GPR149: variants seen among roughly 807,000 people sequenced by gnomAD.
GPR149 encodes the protein probable G protein-coupled receptor 149.
Under a neutral mutation model 50.2 loss-of-function variants are expected in GPR149, and 50 were observed. The ratio of observed to expected loss-of-function variants is 1.00; its 90% CI spans 0.79 to 1.26. The LOEUF (loss-of-function observed/expected upper bound fraction) is 1.26. GPR149 is among the 50% of genes most tolerant of loss of function. The pLI is 0.00. For missense variants in GPR149, 983 were observed against 895.4 expected (o/e 1.10, Z -1.25); for synonymous variants, 405 against 358.2 (o/e 1.13, Z -1.48).
At chr3:154,387,554 C>G (rs1334335098) in intron 3 of GPR149, among the ~76,000 whole-genome samples, 2 of 152,128 alleles carry the variant, frequency 1.3e-5, no homozygotes, top group African/African-American at 4.8e-5. Flanking sequence ...TAGGTCAGAT[C>G]CCATGTCTCC....
rs187242792 is a variant in GPR149, at chr3:154,429,245, G to A, written c.371C>T (p.Thr124Ile). 1 of 1,614,214 alleles carries A rather than the reference G, an allele frequency of 6.2e-7. No individual in the cohort carries two copies. Among genetic ancestry groups the A allele is most frequent in the Non-Finnish European group, 8.5e-7 (1 of 1,180,040 alleles). ...CQGLSSNLKA[T>I]LLVSYNFYTM... is the part of the protein sequence containing the mutation. The stretch of plus-strand genomic sequence containing the variant: ...ATAAAAGTTGTAAGAGACTAGGAGA[G>A]TCGCCTTCAAGTTGCTAGAGAGGCC... The change falls in exon 1 of 4, where the codon ACT (threonine) becomes ATT (isoleucine). Residue 124 changes from threonine to isoleucine, a missense_variant. Coordinates refer to ENST00000389740, the MANE Select transcript of GPR149 (RefSeq NM_001038705.3).
At chr3:154,362,886 T>G (rs910275356) in intron 3 of GPR149, among the ~76,000 whole-genome samples, 3 of 152,210 alleles carry the variant, frequency 2.0e-5, no homozygotes, top group African/African-American at 7.2e-5. Context: ...ATGATCAATA[T>G]TAAGGATTCA....
intron 3 of GPR149, chr3:154,352,614 A>G: frequency 1.3e-6 from 1 of 777,770 alleles, no homozygotes; most frequent in East Asian, 2.4e-5. Context: ...ACTGTGGTTC[A>G]AAACTTGATG....
rs753607351 is a variant in GPR149 at position 154,337,820 on chromosome 3, G to A, written c.2075C>T (p.Thr692Ile). The change falls in exon 4 of 4, where the codon ACA becomes ATA. Residue 692 changes from threonine to isoleucine, a missense_variant. Physicochemically the swap from Thr to Ile is moderately conservative, Grantham distance 89. Coordinates refer to ENST00000389740, the MANE Select transcript of GPR149 (RefSeq NM_001038705.3). ...ACTGTTCTGCCTGTGTGCTTCTACT[G>A]TGTCTGGAATGGAGATATTAATATC... ...DGDINISIPD[T>I]VEAHRQNSKR... is the part of the protein sequence containing the mutation. 1.2e-6 allele frequency: 2 copies of A among 1,614,096 alleles called. No individual in the cohort carries two copies. Among genetic ancestry groups the A allele is most frequent in the Non-Finnish European group, 8.5e-7 (1 of 1,179,974 alleles).
At chr3:154,348,485 CAAAA>C (rs1432486413) in intron 3 of GPR149, among the ~76,000 whole-genome samples, 1 of 151,874 alleles carries the variant, frequency 6.6e-6, no homozygotes, top group East Asian at 1.9e-4. Flanking sequence ...AGATTTCAGA[CAAAA>C]GAAAGTTATC....
intron 3 of GPR149, chr3:154,353,373 T>C: frequency 7.2e-7 from 1 of 1,385,254 alleles, no homozygotes; most frequent in South Asian, 1.2e-5. Flanking sequence ...AAGTAAAGTC[T>C]GAGGATGGTC....
intron 3 of GPR149, among the ~76,000 whole-genome samples, chr3:154,349,463 A>G (rs1714015723): frequency 6.6e-6 from 1 of 152,174 alleles, no homozygotes; most frequent in Non-Finnish European, 1.5e-5. Context: ...TACTACAAAC[A>G]CCTTTACACA....
At chr3:154,348,149 T>C (rs1246775081) in intron 3 of GPR149, among the ~76,000 whole-genome samples, 1 of 152,240 alleles carries the variant, frequency 6.6e-6, no homozygotes, top group East Asian at 1.9e-4. Context: ...GAATCCAAGA[T>C]GTTTTTAAGC....
At chr3:154,392,065 TGA>T (rs1696734040) in intron 3 of GPR149, among the ~76,000 whole-genome samples, 1 of 151,668 alleles carries the variant, frequency 6.6e-6, no homozygotes, top group Admixed American at 6.6e-5. Context: ...ATGATAATTG[TGA>T]GAGACTTCAA....
intron 3 of GPR149, among the ~76,000 whole-genome samples, chr3:154,373,553 T>A (rs114962814): frequency 2.2e-3 from 330 of 152,284 alleles, no homozygotes; most frequent in African/African-American, 7.7e-3. Context: ...AATCCTCTCT[T>A]GTTATGTTTG....
rs1198187231 is a variant in GPR149, at chr3:154,335,995, T to A, written c.*1704A>T. 2.6e-5 allele frequency: 4 copies of A among 152,164 alleles called. No individual in the cohort carries two copies. In the East Asian group the frequency reaches 7.7e-4, roughly 29 times the overall value. 9.4% of individuals were successfully genotyped at this position (152,164 alleles called of 1,614,324 possible). A position where few individuals can be genotyped will look rare whatever the true frequency, so the allele number is the denominator to read the frequency against. Reference sequence around the variant, plus strand: ...ATAAAGACATTTAATGCTACTGATTTATAATATCTGATTTATCTGTCCATT... The same window carrying A: ...ATAAAGACATTTAATGCTACTGATTAATAATATCTGATTTATCTGTCCATT... On this transcript the variant is annotated 3_prime_UTR_variant, in exon 4 of 4. Coordinates refer to ENST00000389740, the MANE Select transcript of GPR149 (RefSeq NM_001038705.3).
chr3:154,371,547 T>C (rs1463932064), intron 3 of GPR149, among the ~76,000 whole-genome samples: 3 of 152,094 alleles, frequency 2.0e-5, no homozygotes, highest in Non-Finnish European at 2.9e-5. Flanking sequence ...AATGATGACA[T>C]GGAATGAATT....
intron 3 of GPR149, among the ~76,000 whole-genome samples, chr3:154,339,830 C>T (rs1329357545): frequency 7.2e-6 from 1 of 139,078 alleles, no homozygotes; most frequent in Non-Finnish European, 1.5e-5. Flanking sequence ...CCCTCTGTCG[C>T]CCAGGCTGGA....
intron 3 of GPR149, among the ~76,000 whole-genome samples, chr3:154,355,727 C>T (rs1334888471): frequency 6.6e-6 from 1 of 151,898 alleles, no homozygotes; most frequent in Non-Finnish European, 1.5e-5. Flanking sequence ...TTTTTATATC[C>T]TAATGATAAG....
intron 3 of GPR149, among the ~76,000 whole-genome samples, chr3:154,386,803 T>C (rs1241697142): frequency 6.6e-6 from 1 of 152,208 alleles, no homozygotes; most frequent in Non-Finnish European, 1.5e-5. Flanking sequence ...TAAAAAATAA[T>C]GTTATAATTT....
At chr3:154,381,047 A>G (rs1714911546) in intron 3 of GPR149, among the ~76,000 whole-genome samples, 1 of 152,242 alleles carries the variant, frequency 6.6e-6, no homozygotes, top group South Asian at 2.1e-4. Flanking sequence ...TAATTAGTCT[A>G]TATGAAACAG....
chr3:154,355,146 G>A (rs1480642470), intron 3 of GPR149, among the ~76,000 whole-genome samples: 1 of 152,110 alleles, frequency 6.6e-6, no homozygotes, highest in East Asian at 1.9e-4. Context: ...TCCTGCCTCA[G>A]CCTCCTGTGT....
chr3:154,426,116 T>G (rs1712286150), intron 2 of GPR149, among the ~76,000 whole-genome samples: 1 of 152,194 alleles, frequency 6.6e-6, no homozygotes, highest in African/African-American at 2.4e-5. Context: ...AAGTGGCCCA[T>G]AAGGGTTTAT....
chr3:154,426,323 A>T (rs1351726962), intron 2 of GPR149, among the ~76,000 whole-genome samples: 1 of 152,228 alleles, frequency 6.6e-6, no homozygotes, highest in Non-Finnish European at 1.5e-5. Flanking sequence ...TGCCATCACT[A>T]TGACATAGGA....
Sources: allele counts gnomAD v4.1 joint callset (sites outside exome capture counted in the v4.1 genomes callset), GRCh38; gene constraint gnomAD v4.1.1; transcripts MANE v1.5; gene names NCBI Gene and HGNC (gene_info 2026-07-23, HGNC 2026-07-21).